PCDH15: variants seen among roughly 807,000 people sequenced by gnomAD.
The protein encoded by PCDH15 is protocadherin related 15, also known as protocadherin-15.
A neutral mutation model predicts 178.5 loss-of-function variants in PCDH15; 129 were observed. The observed-to-expected ratio is 0.72, with a 90% CI of 0.63 to 0.84. The LOEUF (loss-of-function observed/expected upper bound fraction) is 0.84. Ranked by LOEUF, PCDH15 falls within the 40% of genes least tolerant of loss-of-function variation. PCDH15 has a pLI of 0.00. For synonymous variants in PCDH15, 800 were observed against 732.0 expected (o/e 1.09, Z -1.50); for missense variants, 2,230 against 2,099.9 (o/e 1.06, Z -1.21).
intron 16 of PCDH15, among the ~76,000 whole-genome samples, chr10:54,089,225 T>C (rs1336582382): frequency 6.6e-6 from 1 of 152,216 alleles, no homozygotes; most frequent in Non-Finnish European, 1.5e-5. Context: ...GATGTGGCAA[T>C]GTATTCATTT....
At chr10:54,388,713 C>A (rs1389464049) in intron 3 of PCDH15, among the ~76,000 whole-genome samples, 1 of 152,080 alleles carries the variant, frequency 6.6e-6, no homozygotes, top group Non-Finnish European at 1.5e-5. Context: ...AAATAAATCA[C>A]CTTGTTGGAA....
intron 3 of PCDH15, among the ~76,000 whole-genome samples, chr10:54,835,825 T>G (rs1412294360): frequency 6.6e-6 from 1 of 152,162 alleles, no homozygotes; most frequent in Admixed American, 6.6e-5. Flanking sequence ...TATAGATTCT[T>G]TCTCTCAAAT....
chr10:54,812,996 T>C (rs1330642385), intron 3 of PCDH15, among the ~76,000 whole-genome samples: 2 of 152,188 alleles, frequency 1.3e-5, no homozygotes, highest in Admixed American at 6.5e-5. Context: ...CTGATTGTCA[T>C]AGATGCTTCA....
intron 1 of PCDH15, among the ~76,000 whole-genome samples, chr10:54,673,172 C>T (rs983679568): frequency 6.6e-6 from 1 of 151,978 alleles, no homozygotes; most frequent in African/African-American, 2.4e-5. Context: ...GCTGCACCGA[C>T]CAACCCGTCA....
intron 1 of PCDH15, among the ~76,000 whole-genome samples, chr10:55,203,607 A>G (rs959749749): frequency 6.6e-6 from 1 of 152,082 alleles, no homozygotes; most frequent in Non-Finnish European, 1.5e-5. Context: ...ATCCTCTGGT[A>G]TAAACAACTG....
intron 2 of PCDH15, among the ~76,000 whole-genome samples, chr10:55,520,379 T>A (rs1414215939): frequency 1.4e-5 from 2 of 141,826 alleles, no homozygotes; most frequent in Non-Finnish European, 3.1e-5. Flanking sequence ...AACTCAAAAC[T>A]CAGTAGTTAC....
intron 1 of PCDH15, among the ~76,000 whole-genome samples, chr10:55,265,383 T>C (rs1842262185): frequency 6.6e-6 from 1 of 150,868 alleles, no homozygotes; most frequent in Non-Finnish European, 1.5e-5. Context: ...TGGGTGAAAT[T>C]CTGGAATTTC....
At chr10:55,021,751 T>G (rs1405541359) in intron 2 of PCDH15, among the ~76,000 whole-genome samples, 1 of 152,202 alleles carries the variant, frequency 6.6e-6, no homozygotes, top group Non-Finnish European at 1.5e-5. Context: ...CTTTTCTATA[T>G]GTATCTTGAA....
At chr10:53,887,260 A>G (rs2081167414) in intron 26 of PCDH15, among the ~76,000 whole-genome samples, 1 of 152,204 alleles carries the variant, frequency 6.6e-6, no homozygotes, top group Non-Finnish European at 1.5e-5. Flanking sequence ...CAAGAACACT[A>G]TGTGGCATTG....
intron 5 of PCDH15, among the ~76,000 whole-genome samples, chr10:54,356,962 C>T (rs9415311): frequency 0.12 from 17,538 of 152,016 alleles, 1,787 homozygotes; most frequent in African/African-American, 0.28. Context: ...ATTCAACAAC[C>T]CTTCATGCTA....
intron 3 of PCDH15, among the ~76,000 whole-genome samples, chr10:54,518,710 A>T (rs1490411062): frequency 6.6e-6 from 1 of 152,232 alleles, no homozygotes; most frequent in Non-Finnish European, 1.5e-5. Flanking sequence ...AACTCATTTT[A>T]TGAGGCCAGC....
intron 13 of PCDH15, among the ~76,000 whole-genome samples, chr10:54,155,062 T>C (rs1205383140): frequency 6.6e-6 from 1 of 152,194 alleles, no homozygotes; most frequent in Non-Finnish European, 1.5e-5. Context: ...GAAATCTTAA[T>C]TAAAATTTAG....
chr10:54,504,762 T>A (rs1181088670), intron 3 of PCDH15, among the ~76,000 whole-genome samples: 1 of 152,062 alleles, frequency 6.6e-6, no homozygotes, highest in Non-Finnish European at 1.5e-5. Flanking sequence ...CTAACACACA[T>A]CTTAATAGGT....
intron 2 of PCDH15, among the ~76,000 whole-genome samples, chr10:55,529,999 T>G (rs1478897357): frequency 6.6e-6 from 1 of 151,488 alleles, no homozygotes; most frequent in African/African-American, 2.4e-5. Flanking sequence ...AAAAAACAAT[T>G]ACCTGAGTGC....
At position 55,531,041 on chromosome 10, in the gene PCDH15, T is replaced by C. The variant is rs1246596071; in HGVS notation, c.-156+96584A>G. Among the ~76,000 whole-genome samples, 6 of 137,676 alleles carry C rather than the reference T, an allele frequency of 4.4e-5. No individual in the cohort carries two copies. In the Admixed American group the frequency reaches 4.5e-4, roughly 10 times the overall value. 90.3% of individuals were successfully genotyped at this position (137,676 alleles called of 152,430 possible). On this transcript the variant is annotated intron_variant, in intron 2 of 5. Transcript: ENST00000613346. ...TGTTTGTTTGTTTGTTTCAGCACCGTTGTATTTTACAAATATAAATACAGG... is the reference window on the plus strand; with the variant it reads ...TGTTTGTTTGTTTGTTTCAGCACCGCTGTATTTTACAAATATAAATACAGG...
chr10:55,046,260 C>A (rs1841003370), intron 2 of PCDH15, among the ~76,000 whole-genome samples: 1 of 151,926 alleles, frequency 6.6e-6, no homozygotes, highest in Non-Finnish European at 1.5e-5. Context: ...TTGTATCTAG[C>A]AGCCCAAAAG....
chr10:53,992,761 T>G (rs2091610804), intron 21 of PCDH15, among the ~76,000 whole-genome samples: 1 of 152,218 alleles, frequency 6.6e-6, no homozygotes, highest in African/African-American at 2.4e-5. Context: ...ACTATTCATG[T>G]CTCATGTGAA....
At chr10:54,364,019 C>G (rs1290371446) in intron 5 of PCDH15, among the ~76,000 whole-genome samples, 1 of 151,852 alleles carries the variant, frequency 6.6e-6, no homozygotes, top group Non-Finnish European at 1.5e-5. Flanking sequence ...TCGAGACCAG[C>G]CTGACCAACA....
At chr10:55,260,208 T>C (rs569638535) in intron 1 of PCDH15, among the ~76,000 whole-genome samples, 68 of 152,154 alleles carry the variant, frequency 4.5e-4, no homozygotes, top group African/African-American at 1.6e-3. Context: ...AGCCAGAGGA[T>C]ACTATGAGTA....
Sources: gnomAD v4.1 joint callset for allele counts (sites outside exome capture counted in the v4.1 genomes callset) on GRCh38, gnomAD v4.1.1 for gene constraint, MANE v1.5 for transcripts, NCBI Gene and HGNC (gene_info 2026-07-23, HGNC 2026-07-21) for gene names.